CUL5: variants seen among roughly 807,000 people sequenced by gnomAD.
CUL5 encodes the protein cullin-5.
CUL5 carries 26 observed loss-of-function variants against 108.8 expected under a neutral mutation model. That is an observed-to-expected ratio of 0.24 (90% CI 0.18 to 0.33). The LOEUF (loss-of-function observed/expected upper bound fraction) is 0.33. CUL5 is among the 10% of genes least tolerant of loss of function. CUL5 has a pLI of 1.00. For synonymous variants in CUL5, 334 were observed against 298.0 expected (o/e 1.12, Z -1.25); for missense variants, 524 against 909.2 (o/e 0.58, Z 5.45).
chr11:108,014,570 T>G (rs1452131656), intron 1 of CUL5, among the ~76,000 whole-genome samples: 1 of 152,248 alleles, frequency 6.6e-6, no homozygotes, highest in Non-Finnish European at 1.5e-5. Flanking sequence ...TCTGTATATT[T>G]ATAATCTGCT....
intron 2 of CUL5, among the ~76,000 whole-genome samples, chr11:108,038,998 A>G (rs1457537152): frequency 6.8e-6 from 1 of 147,788 alleles, no homozygotes; most frequent in Admixed American, 6.7e-5. Flanking sequence ...AATATTTATC[A>G]CTTCTGTCCT....
chr11:108,018,825 A>G (rs1036285315), intron 1 of CUL5, among the ~76,000 whole-genome samples: 23 of 152,138 alleles, frequency 1.5e-4, no homozygotes, highest in African/African-American at 4.6e-4. Flanking sequence ...CAATGTAACA[A>G]TGGTTATGAG....
intron 1 of CUL5, among the ~76,000 whole-genome samples, chr11:108,029,576 G>T (rs1862527651): frequency 6.6e-6 from 1 of 152,094 alleles, no homozygotes; most frequent in South Asian, 2.1e-4. Context: ...TGTAGATAGT[G>T]GATTTGGTGT....
At chr11:108,095,166 C>T (rs1475291388) in intron 15 of CUL5, among the ~76,000 whole-genome samples, 179 bp downstream of exon 15, 1 of 152,188 alleles carries the variant, frequency 6.6e-6, no homozygotes, top group Non-Finnish European at 1.5e-5. Context: ...TACCATCATA[C>T]TTAAGATACT....
intron 7 of CUL5, among the ~76,000 whole-genome samples, chr11:108,062,794 C>G (rs745437624): frequency 1.3e-4 from 20 of 151,762 alleles, no homozygotes; most frequent in Non-Finnish European, 2.6e-4. Flanking sequence ...CTGTAGTCAC[C>G]CTGTTATGTT....
At chr11:108,058,304 A>G (rs1284987939) in intron 7 of CUL5, among the ~76,000 whole-genome samples, 3 of 123,430 alleles carry the variant, frequency 2.4e-5, no homozygotes, top group Non-Finnish European at 4.8e-5. Context: ...GCTAGAGTGC[A>G]GTAGTGCAGT....
Position 108,026,088 on chromosome 11 carries a change from C to T in CUL5, c.25-7714C>T, listed in dbSNP as rs79093532. On this transcript the variant is annotated intron_variant, in intron 1 of 18. Coordinates refer to ENST00000393094, the MANE Select transcript of CUL5 (RefSeq NM_003478.6). ...TTTTCACCTTGAAGTCCATTTTCTCCGCCTTACCCAACATAAATTCTCTTC... is the reference window on the plus strand; with the variant it reads ...TTTTCACCTTGAAGTCCATTTTCTCTGCCTTACCCAACATAAATTCTCTTC... 9.4e-3 allele frequency among the ~76,000 whole-genome samples: 1,424 copies of T among 152,216 alleles called. 11 individuals are homozygous for T. Among genetic ancestry groups the T allele is most frequent in the Middle Eastern group, 0.017 (5 of 294 alleles).
chr11:108,100,826 C>T (rs1466171039), intron 18 of CUL5, among the ~76,000 whole-genome samples: 24 of 152,106 alleles, frequency 1.6e-4, no homozygotes, highest in African/African-American at 4.8e-5. Flanking sequence ...GCCAGGAGAT[C>T]GAGACCATCC....
chr11:108,013,740 A>C (rs1862113031), intron 1 of CUL5, among the ~76,000 whole-genome samples: 1 of 152,098 alleles, frequency 6.6e-6, no homozygotes, highest in South Asian at 2.1e-4. Context: ...ATCCTTTAAG[A>C]GGAAAGAAAA....
chr11:108,041,013 T>C (rs1052179734), intron 2 of CUL5, among the ~76,000 whole-genome samples: 11 of 152,168 alleles, frequency 7.2e-5, no homozygotes, highest in African/African-American at 2.4e-4. Context: ...TATGCAAAAG[T>C]GATTTGAGTA....
chr11:108,028,553 T>C (rs1400649859), intron 1 of CUL5, among the ~76,000 whole-genome samples: 2 of 152,134 alleles, frequency 1.3e-5, no homozygotes, highest in African/African-American at 2.4e-5. Flanking sequence ...ATTATGACAC[T>C]TCAGGCCAGG....
At chr11:108,052,556 C>T (rs1863259007) in intron 4 of CUL5, 104 bp from the exon 5 acceptor site, 4 of 1,075,094 alleles carry the variant, frequency 3.7e-6, no homozygotes, top group Non-Finnish European at 5.3e-6. Flanking sequence ...GCCACTGCAC[C>T]TGGCCCAGGC....
intron 7 of CUL5, among the ~76,000 whole-genome samples, chr11:108,067,768 T>C (rs959371913): frequency 6.6e-6 from 1 of 152,218 alleles, no homozygotes; most frequent in Non-Finnish European, 1.5e-5. Flanking sequence ...GATTTACCTA[T>C]GCTCAATCTG....
At chr11:108,037,817 A>T (rs113034014) in intron 2 of CUL5, among the ~76,000 whole-genome samples, 8 of 152,366 alleles carry the variant, frequency 5.3e-5, no homozygotes, top group African/African-American at 1.9e-4. Flanking sequence ...AAACATTCTC[A>T]TTAAGGAATG....
chr11:108,053,215 C>T (rs545644169), intron 5 of CUL5, among the ~76,000 whole-genome samples: 2 of 152,220 alleles, frequency 1.3e-5, no homozygotes, highest in Non-Finnish European at 2.9e-5. Context: ...ATGCTTCTTC[C>T]CCACGCTTCA....
rs1555018733 is a variant in CUL5 at position 108,063,661 on chromosome 11, A to AAT, written c.781-6434_781-6433insTA. 7.5e-3 allele frequency among the ~76,000 whole-genome samples: 1,129 copies of AAT among 149,668 alleles called. 10 individuals carry two copies. The highest frequency in any genetic ancestry group is 9.9e-3 in the Non-Finnish European group (666 of 67,464). ...ATAATAAAATTAATAAAATTTAAAA[A>AAT]AAATAAATAAATAGTGCTGCAGTAA... On this transcript the variant is annotated intron_variant, in intron 7 of 18. Transcript: ENST00000393094.
In CUL5 at chr11:108,060,192, TA is replaced by T. The variant is rs951565020; in HGVS notation, c.780+5248del. Among the ~76,000 whole-genome samples the T allele has an allele frequency of 3.0e-4, 44 of 148,472 alleles. 1 individual carries two copies. The highest frequency in any genetic ancestry group is 7.0e-3 in the Middle Eastern group (2 of 286). ...CCTCTCCACAGAGGAGGTCTAAAAT[TA>T]AAAAAAAAAATTAAGCTTGGTGTTC... On this transcript the variant is annotated intron_variant, in intron 7 of 18. Transcript: ENST00000393094.
intron 2 of CUL5, among the ~76,000 whole-genome samples, chr11:108,041,624 C>T (rs912141802): frequency 7.0e-6 from 1 of 143,312 alleles, no homozygotes; most frequent in Admixed American, 7.0e-5. Flanking sequence ...AAGTTTTGCT[C>T]TTGTTGCCTA....
intron 2 of CUL5, among the ~76,000 whole-genome samples, chr11:108,039,282 A>C (rs1211296066): frequency 6.6e-6 from 1 of 152,084 alleles, no homozygotes; most frequent in Middle Eastern, 3.2e-3. Context: ...GGCCTCCCAA[A>C]GTGCTGGGAT....
Sources: gnomAD v4.1 joint callset for allele counts (sites outside exome capture counted in the v4.1 genomes callset) on GRCh38, gnomAD v4.1.1 for gene constraint, MANE v1.5 for transcripts, NCBI Gene and HGNC (gene_info 2026-07-23, HGNC 2026-07-21) for gene names.